ELP4: variants seen among roughly 807,000 people sequenced by gnomAD.
ELP4 encodes elongator complex protein 4.
ELP4 carries 51 observed loss-of-function variants against 48.9 expected under a neutral mutation model. The ratio of observed to expected loss-of-function variants is 1.04; its 90% CI spans 0.83 to 1.32. The LOEUF is 1.32. Ranked by LOEUF, ELP4 falls within the 40% of genes most tolerant of loss-of-function variation. ELP4 has a pLI of 0.00. For missense variants in ELP4, 519 were observed against 514.6 expected, an observed-to-expected ratio of 1.01 and a Z score of -0.08; for synonymous variants, 210 against 189.2, an observed-to-expected ratio of 1.11 and a Z score of -0.90.
intron 9 of ELP4, among the ~76,000 whole-genome samples, chr11:31,741,330 A>C (rs960962094): frequency 1.3e-5 from 2 of 152,220 alleles, no homozygotes; most frequent in Non-Finnish European, 2.9e-5. Flanking sequence ...CAGGGCACAG[A>C]CAAACAAAAA....
At chr11:31,769,917 T>G (rs1410764680) in intron 9 of ELP4, among the ~76,000 whole-genome samples, 1 of 152,220 alleles carries the variant, frequency 6.6e-6, no homozygotes, top group Non-Finnish European at 1.5e-5. Flanking sequence ...TTAGTATTCT[T>G]AAGCCACCTG....
At position 31,615,369 on chromosome 11, in the gene ELP4, A is replaced by T. The variant is rs549475276; in HGVS notation, c.653+11462A>T. Among the ~76,000 whole-genome samples, 20 of 152,208 alleles carry T rather than the reference A, an allele frequency of 1.3e-4. No homozygotes were observed. In the Middle Eastern group the frequency reaches 0.01, roughly 78 times the overall value. ...AGAAATGACCAATAAATGTCACTAC[A>T]TCAAAAGAAATGTAAACCAGAACCA... On this transcript the variant is annotated intron_variant, in intron 5 of 9. Coordinates refer to ENST00000640961, the MANE Select transcript of ELP4 (RefSeq NM_019040.5).
chr11:31,668,336 A>G (rs553824721), intron 9 of ELP4, among the ~76,000 whole-genome samples: 2 of 152,264 alleles, frequency 1.3e-5, no homozygotes, highest in South Asian at 4.2e-4. Context: ...ACACCATCAC[A>G]TGAGGCAAAA....
intron 5 of ELP4, among the ~76,000 whole-genome samples, chr11:31,620,217 C>A (rs1217369615): frequency 6.6e-6 from 1 of 151,826 alleles, no homozygotes; most frequent in East Asian, 1.9e-4. Flanking sequence ...TACATTGAGG[C>A]AAGTGTGGAA....
chr11:31,704,250 G>T (rs1207733828), intron 9 of ELP4, among the ~76,000 whole-genome samples: 1 of 151,788 alleles, frequency 6.6e-6, no homozygotes, highest in Admixed American at 6.6e-5. Flanking sequence ...ATCTCACATG[G>T]TTAATTCAAA....
rs372566135 is a variant in ELP4, at chr11:31,535,899, T to A, written c.260-3763T>A. ...CACTTAGCATAATGTTTTTTGAGAT[T>A]TACCCATGTTGTTGCATGTATAGTC... On this transcript the variant is annotated intron_variant, in intron 2 of 9. Transcript: ENST00000640961. Among the ~76,000 whole-genome samples the A allele has an allele frequency of 9.3e-4, 142 of 152,254 alleles. 2 individuals carry two copies. The South Asian group carries it at 0.013, about 14-fold the overall frequency.
chr11:31,676,274 A>T (rs1440110873), intron 9 of ELP4, among the ~76,000 whole-genome samples: 1 of 152,148 alleles, frequency 6.6e-6, no homozygotes, highest in African/African-American at 2.4e-5. Context: ...ATTTGTTCAT[A>T]TATCACCTTC....
chr11:31,608,068 A>G (rs76522794), intron 5 of ELP4, among the ~76,000 whole-genome samples: 1 of 151,914 alleles, frequency 6.6e-6, no homozygotes, highest in Non-Finnish European at 1.5e-5. Context: ...GAAGCCTACA[A>G]ATCTGTAGAG....
intron 5 of ELP4, among the ~76,000 whole-genome samples, chr11:31,604,415 A>G (rs887867403): frequency 6.6e-6 from 1 of 151,858 alleles, no homozygotes; most frequent in East Asian, 1.9e-4. Flanking sequence ...AACAATCTGC[A>G]TAATTTTAAG....
chr11:31,601,705 C>G (rs2133999943), intron 4 of ELP4, among the ~76,000 whole-genome samples: 1 of 152,164 alleles, frequency 6.6e-6, no homozygotes, highest in Non-Finnish European at 1.5e-5. Context: ...TTTATTAACT[C>G]AAACTTAAAA....
intron 9 of ELP4, among the ~76,000 whole-genome samples, chr11:31,749,413 G>A (rs562132869): frequency 6.6e-6 from 1 of 152,280 alleles, no homozygotes; most frequent in South Asian, 2.1e-4. Flanking sequence ...TAAAGATGCA[G>A]CTGTTATATA....
intron 5 of ELP4, among the ~76,000 whole-genome samples, chr11:31,617,974 A>G (rs1331310261): frequency 6.6e-6 from 1 of 152,068 alleles, no homozygotes; most frequent in Non-Finnish European, 1.5e-5. Context: ...TATATCCCCA[A>G]GAGGATTAAA....
Position 31,686,165 on chromosome 11 carries a change from A to G in ELP4, c.1143+35944A>G, listed in dbSNP as rs1001182276. Among the ~76,000 whole-genome samples, 9 of 151,970 alleles carry G rather than the reference A, an allele frequency of 5.9e-5. No homozygotes were observed. In the South Asian group the frequency reaches 6.2e-4, roughly 11 times the overall value. On this transcript the variant is annotated intron_variant, in intron 9 of 9. Transcript: ENST00000640961. ...TATACATTTTATATATTAGTAATCT[A>G]TTATTTATTTTGTCATGCTAGCCCT...
At chr11:31,510,086 C>T (rs1955956606) in intron 1 of ELP4, 79 bp downstream of exon 1, 1 of 1,353,002 alleles carries the variant, frequency 7.4e-7, no homozygotes, top group South Asian at 1.2e-5. Flanking sequence ...ACTTTGACCC[C>T]ACATCTCTTT....
chr11:31,697,777 A>T (rs1007193831), intron 9 of ELP4, among the ~76,000 whole-genome samples: 1 of 151,956 alleles, frequency 6.6e-6, no homozygotes, highest in Non-Finnish European at 1.5e-5. Context: ...AAGAAATACC[A>T]CTCTTCCAAT....
intron 9 of ELP4, chr11:31,653,549 T>C (rs1376928872): frequency 1.3e-5 from 2 of 151,780 alleles, no homozygotes; most frequent in South Asian, 2.1e-4. Flanking sequence ...TACTAAGATA[T>C]AATAATAGAT....
chr11:31,619,841 C>G (rs1019003278), intron 5 of ELP4, among the ~76,000 whole-genome samples: 1 of 151,844 alleles, frequency 6.6e-6, no homozygotes, highest in African/African-American at 2.4e-5. Flanking sequence ...CCAAAAGGCC[C>G]CAGTGTGTGT....
intron 3 of ELP4, among the ~76,000 whole-genome samples, chr11:31,575,860 T>G (rs1957266651): frequency 6.6e-6 from 1 of 152,064 alleles, no homozygotes; most frequent in Non-Finnish European, 1.5e-5. Context: ...AGACCACCAA[T>G]GCTAGGAAGA....
At position 31,790,028 on chromosome 11, in the gene ELP4, G is replaced by A. The variant is rs761206476; in HGVS notation, c.*6504G>A. ...ACCAGGGGAAATGAGTCCTAGAAGT[G>A]GATGAAAGAAATAGCCATGTAGATA... On this transcript the variant is annotated 3_prime_UTR_variant, in exon 10 of 10. Transcript: ENST00000640961. 1.3e-6 allele frequency: 2 copies of A among 1,531,774 alleles called. No individual in the cohort carries two copies. The highest frequency in any genetic ancestry group is 2.3e-5 in the South Asian group (2 of 88,548). The allele number at this position is 1,531,774 out of a possible 1,614,324, so 94.9% of individuals were successfully genotyped here.
Sources: gnomAD v4.1 joint callset for allele counts (sites outside exome capture counted in the v4.1 genomes callset) on GRCh38, gnomAD v4.1.1 for gene constraint, MANE v1.5 for transcripts, NCBI Gene and HGNC (gene_info 2026-07-23, HGNC 2026-07-21) for gene names.